DNM2: variants seen among roughly 807,000 people sequenced by gnomAD.
The protein encoded by DNM2 is dynamin-2.
Under a neutral mutation model 99.0 loss-of-function variants are expected in DNM2, and 15 were observed. The observed-to-expected ratio is 0.15, with a 90% CI of 0.10 to 0.23. DNM2 has a LOEUF of 0.23. Ranked by LOEUF, DNM2 falls within the 10% of genes least tolerant of loss-of-function variation. The pLI, the probability that DNM2 is intolerant of heterozygous loss-of-function variation, is 1.00. For synonymous variants in DNM2, 525 were observed against 481.2 expected (o/e 1.09, Z -1.19); for missense variants, 742 against 1,189.4 (o/e 0.62, Z 5.53).
At chr19:10,786,821 A>G (rs1169898164) in intron 7 of DNM2, 115 bp downstream of exon 7, 2 of 1,544,614 alleles carry the variant, frequency 1.3e-6, no homozygotes, top group African/African-American at 1.4e-5. Context: ...TTCAGCAGAC[A>G]CTTGCTGCAA....
Position 10,795,306 on chromosome 19 carries a change from G to C in DNM2, c.1129-66G>C. On this transcript the variant is annotated intron_variant, in intron 8 of 20. Coordinates refer to ENST00000389253, the MANE Select transcript of DNM2 (RefSeq NM_001005361.3). The surrounding 1 kb of genome is among the most constrained non-coding windows in gnomAD (Gnocchi z 4.2). ...CACACGTGGGAGAGAACGTTCCCCA[G>C]ATGCACGCCTGCCACGGGGGCGCCC... The C allele has an allele frequency of 6.7e-7, 1 of 1,487,098 alleles. No individual in the cohort carries two copies. The highest frequency in any genetic ancestry group is 9.4e-7 in the Non-Finnish European group (1 of 1,064,866). 92.1% of individuals were successfully genotyped at this position (1,487,098 alleles called of 1,614,324 possible).
At chr19:10,762,702 C>T (rs1286425884) in intron 2 of DNM2, among the ~76,000 whole-genome samples, 4 of 152,190 alleles carry the variant, frequency 2.6e-5, no homozygotes, top group Non-Finnish European at 5.9e-5. Context: ...TTCCTGACCA[C>T]TTGCCTTAGG....
rs114623441 is a variant in DNM2, at chr19:10,775,697, T to C, written c.386-6T>C. 3.1e-5 allele frequency: 50 copies of C among 1,614,078 alleles called. No individual in the cohort carries two copies. The Admixed American group carries it at 8.3e-4, about 27-fold the overall frequency. ...TGAATGCCTTTCCTTCTGGTTTCCC[T>C]CCCAGTGTTGAACTTGACCCTCATC... On this transcript the variant is annotated splice_region_variant and splice_polypyrimidine_tract_variant and intron_variant, in intron 3 of 20. Coordinates refer to ENST00000389253, the MANE Select transcript of DNM2 (RefSeq NM_001005361.3). This position sits in a 1 kb window ranked among gnomAD's most constrained non-coding sequence, Gnocchi z 4.3.
chr19:10,727,032 C>T (rs80293523), intron 1 of DNM2, among the ~76,000 whole-genome samples: 4,727 of 152,250 alleles, frequency 0.031, 80 homozygotes, highest in South Asian at 0.095. Context: ...GGGATCCTGT[C>T]TTGTTTAAAA....
Position 10,775,947 on chromosome 19 carries a change from C to T in DNM2, c.589+41C>T, listed in dbSNP as rs752605314. 4 of 1,599,886 alleles carry T rather than the reference C, an allele frequency of 2.5e-6. No individual in the cohort carries two copies. The highest frequency in any genetic ancestry group is 3.4e-6 in the Non-Finnish European group (4 of 1,178,054). On this transcript the variant is annotated intron_variant, in intron 4 of 20. Transcript: ENST00000389253. This position sits in a 1 kb window ranked among gnomAD's most constrained non-coding sequence, Gnocchi z 4.3. ...GGGCAGTCCCCTCTTCCAGGTGCCT[C>T]TGAGCATGGGATGTGCCCAGCATCC...
Position 10,784,819 on chromosome 19 carries a change from ATT to A in DNM2, c.849+1720_849+1721del, listed in dbSNP as rs35575438. On this transcript the variant is annotated intron_variant, in intron 6 of 20. Coordinates refer to ENST00000389253, the MANE Select transcript of DNM2 (RefSeq NM_001005361.3). ...GTATTTATTTTTTATTTTTTTGATG[ATT>A]TTTTTTTTTTTTTTTTTTTTGAGAC... Among the ~76,000 whole-genome samples, 271 of 99,410 alleles carry A rather than the reference ATT, an allele frequency of 2.7e-3. 1 individual carries two copies. Among genetic ancestry groups the A allele is most frequent in the African/African-American group, 0.011 (264 of 24,676 alleles). The allele number at this position is 99,410 out of a possible 152,430, so 65.2% of individuals were successfully genotyped here.
chr19:10,731,820 C>A (rs1428675673), intron 1 of DNM2, among the ~76,000 whole-genome samples: 6 of 152,244 alleles, frequency 3.9e-5, no homozygotes, highest in African/African-American at 1.2e-4. Flanking sequence ...AGACGGAAGC[C>A]CGGCTTCTGT....
rs377458236 is a variant in DNM2 at position 10,802,347 on chromosome 19, C to A, written c.1482C>A (p.Ile494=). The A allele has an allele frequency of 6.2e-7, 1 of 1,614,124 alleles. No individual in the cohort carries two copies. The change falls in exon 12 of 21, where the codon ATC becomes ATA. Residue 494 remains isoleucine (I), a synonymous_variant. Coordinates refer to ENST00000389253, the MANE Select transcript of DNM2 (RefSeq NM_001005361.3). Reference sequence around the variant, plus strand: ...TCAACACGAACCATGAGGACTTCATCGGGTTTGCCAAGTAGGTACTTTTAG... The same window carrying A: ...TCAACACGAACCATGAGGACTTCATAGGGTTTGCCAAGTAGGTACTTTTAG... ...SYINTNHEDF[I]GFANAQQRST... is the part of the protein sequence containing the mutation.
rs188959093 is a variant in DNM2 at position 10,729,069 on chromosome 19, G to A, written c.161+10666G>A. ...AACCCCATCTCTACTAAAAATATAG[G>A]CAGGAGAATGGCGTGAACCCGGGAG... On this transcript the variant is annotated intron_variant, in intron 1 of 20. Coordinates refer to ENST00000389253, the MANE Select transcript of DNM2 (RefSeq NM_001005361.3). Among the ~76,000 whole-genome samples, 118 of 122,038 alleles carry A rather than the reference G, an allele frequency of 9.7e-4. 1 individual carries two copies. In the East Asian group the frequency reaches 0.021, roughly 22 times the overall value. The allele number at this position is 122,038 out of a possible 152,430, so 80.1% of individuals were successfully genotyped here. A position where few individuals can be genotyped will look rare whatever the true frequency, so the allele number is the denominator to read the frequency against.
At chr19:10,726,735 G>A (rs762497325) in intron 1 of DNM2, among the ~76,000 whole-genome samples, 53 of 152,178 alleles carry the variant, frequency 3.5e-4, no homozygotes, top group Middle Eastern at 3.4e-3. Context: ...GTGGTGGCAG[G>A]CGCCTGTAAT....
chr19:10,766,882 C>T (rs1051101696), intron 2 of DNM2, among the ~76,000 whole-genome samples: 13 of 152,176 alleles, frequency 8.5e-5, no homozygotes, highest in African/African-American at 3.1e-4. Flanking sequence ...GGCCTGATCA[C>T]ATGCCAGCTG....
At chr19:10,799,744 G>A (rs888784675) in intron 11 of DNM2, among the ~76,000 whole-genome samples, 6 of 152,132 alleles carry the variant, frequency 3.9e-5, no homozygotes, top group Admixed American at 3.3e-4. Flanking sequence ...ATGTTGGCCA[G>A]GCTGGTCTTG....
At chr19:10,829,685 C>A (rs891441046) in intron 19 of DNM2, among the ~76,000 whole-genome samples, 1 of 152,144 alleles carries the variant, frequency 6.6e-6, no homozygotes, top group African/African-American at 2.4e-5. Context: ...CCATTGAGGC[C>A]GTCGGGCAGG....
chr19:10,805,575 G>A (rs1357444018), intron 12 of DNM2, among the ~76,000 whole-genome samples: 1 of 152,180 alleles, frequency 6.6e-6, no homozygotes, highest in African/African-American at 2.4e-5. Flanking sequence ...GGTCAAGGCT[G>A]CAGTGAGCTG....
intron 2 of DNM2, 37 bp downstream of exon 2, chr19:10,759,848 A>C: frequency 6.2e-7 from 1 of 1,613,116 alleles, no homozygotes; most frequent in Non-Finnish European, 8.5e-7. Flanking sequence ...CAGGAAGTGG[A>C]TGTGGATGTG....
chr19:10,784,645 C>T (rs2071491630), intron 6 of DNM2, among the ~76,000 whole-genome samples: 1 of 152,084 alleles, frequency 6.6e-6, no homozygotes, highest in Admixed American at 6.5e-5. Flanking sequence ...AGCTCCCTGC[C>T]TTTCTAGGCA....
chr19:10,811,574 G>A lies in DNM2; in HGVS notation c.1558-690G>A, dbSNP rs565098546. The A allele has an allele frequency of 1.3e-4, 52 of 400,344 alleles. No individual in the cohort carries two copies. Among genetic ancestry groups the A allele is most frequent in the African/African-American group, 8.0e-4 (39 of 48,936 alleles). 24.8% of individuals were successfully genotyped at this position (400,344 alleles called of 1,614,324 possible). ...GCTTCCTGCAGCTCCCAGGGCCCTC[G>A]TCCTGAGTGGGGTGGGGGGCTCTGC... On this transcript the variant is annotated intron_variant, in intron 14 of 20. Transcript: ENST00000389253. The surrounding 1 kb of genome is among the most constrained non-coding windows in gnomAD (Gnocchi z 5.4).
At chr19:10,730,736 C>G (rs1026950897) in intron 1 of DNM2, among the ~76,000 whole-genome samples, 3 of 152,218 alleles carry the variant, frequency 2.0e-5, no homozygotes, top group Admixed American at 6.5e-5. Flanking sequence ...GCTTCGAGGG[C>G]TGTAAGATGG....
chr19:10,811,502 G>A lies in DNM2; in HGVS notation c.1558-762G>A. 2 of 358,652 alleles carry A rather than the reference G, an allele frequency of 5.6e-6. No homozygotes were observed. Among genetic ancestry groups the A allele is most frequent in the South Asian group, 4.1e-5 (2 of 48,798 alleles). 22.2% of individuals were successfully genotyped at this position (358,652 alleles called of 1,614,324 possible). On this transcript the variant is annotated intron_variant, in intron 14 of 20. Transcript: ENST00000389253. The surrounding 1 kb of genome is among the most constrained non-coding windows in gnomAD (Gnocchi z 5.4). ...AGCCCACCCTTTGTAGCTTGGCCAA[G>A]TCTGTCAGTGCCTGGGTCCCAGGCC...
Sources: gnomAD v4.1 joint callset for allele counts (sites outside exome capture counted in the v4.1 genomes callset) on GRCh38, gnomAD v4.1.1 for gene constraint, Gnocchi (gnomAD v3.1) non-coding constraint, MANE v1.5 for transcripts, NCBI Gene and HGNC (gene_info 2026-07-23, HGNC 2026-07-21) for gene names.